GALNT17: variants seen among roughly 807,000 people sequenced by gnomAD.
The protein encoded by GALNT17 is UDP-GalNAc:polypeptide N-acetylgalactosaminyltransferase-like 3.
A neutral mutation model predicts 63.7 loss-of-function variants in GALNT17; 29 were observed. That is an observed-to-expected ratio of 0.46 (90% confidence interval 0.34 to 0.62). The LOEUF (loss-of-function observed/expected upper bound fraction) is 0.62. Ranked by LOEUF, GALNT17 falls within the 20% of genes least tolerant of loss-of-function variation. The pLI, the probability that GALNT17 is intolerant of heterozygous loss-of-function variation, is 0.01. For missense variants in GALNT17, 603 were observed against 799.6 expected, an observed-to-expected ratio of 0.75 and a Z score of 2.97; for synonymous variants, 305 against 318.3, an observed-to-expected ratio of 0.96 and a Z score of 0.45.
intron 1 of GALNT17, among the ~76,000 whole-genome samples, chr7:71,175,094 A>G (rs1442486735): frequency 6.6e-6 from 1 of 152,118 alleles, no homozygotes; most frequent in African/African-American, 2.4e-5. Context: ...CTATCTATCC[A>G]TCAGTCTGTC....
At chr7:71,371,101 C>T (rs891926536) in intron 2 of GALNT17, among the ~76,000 whole-genome samples, 7 of 152,102 alleles carry the variant, frequency 4.6e-5, no homozygotes, top group African/African-American at 1.7e-4. Flanking sequence ...CTGTTGCTGA[C>T]TGTGGCATCA....
chr7:71,494,455 C>T (rs536681785), intron 5 of GALNT17, among the ~76,000 whole-genome samples: 64 of 152,290 alleles, frequency 4.2e-4, no homozygotes, highest in African/African-American at 1.2e-3. Flanking sequence ...ATACGATCCT[C>T]CTGCCTCAGC....
At chr7:71,700,999 C>G (rs1032967279) in intron 9 of GALNT17, among the ~76,000 whole-genome samples, 3 of 152,152 alleles carry the variant, frequency 2.0e-5, no homozygotes, top group Non-Finnish European at 4.4e-5. Flanking sequence ...AAAAGTTAAG[C>G]AAACACACCC....
intron 1 of GALNT17, among the ~76,000 whole-genome samples, chr7:71,242,286 T>C (rs185424702): frequency 0.1 from 13,697 of 131,940 alleles, 734 homozygotes; most frequent in East Asian, 0.32. Context: ...TTTTTTTTTT[T>C]TGAGACAGAG....
rs769772883 is a variant in GALNT17, at chr7:71,388,320, C to T, written c.508C>T (p.Arg170Trp). The T allele has an allele frequency of 1.2e-6, 2 of 1,614,024 alleles. No homozygotes were observed. Among genetic ancestry groups the T allele is most frequent in the Non-Finnish European group, 1.7e-6 (2 of 1,179,994 alleles). Residue 170 changes from arginine to tryptophan, a missense_variant, in exon 3 of 11, where the codon CGG (arginine) becomes TGG (tryptophan). Arg to Trp is a moderately radical substitution (Grantham distance 101). Around this residue, in one of 3 missense-constraint regions of GALNT17, gnomAD observed 336 missense variants for 507.8 expected, o/e 0.66. Coordinates refer to ENST00000333538, the MANE Select transcript of GALNT17 (RefSeq NM_022479.3). ...FVNEALSVIL[R>W]SVHSAVNHTP... Reference sequence around the variant, plus strand: ...GAACGAGGCCCTGTCGGTGATCCTGCGGTCCGTGCACAGTGCCGTCAATCA... The same window carrying T: ...GAACGAGGCCCTGTCGGTGATCCTGTGGTCCGTGCACAGTGCCGTCAATCA...
intron 1 of GALNT17, among the ~76,000 whole-genome samples, chr7:71,286,549 C>T (rs1199869586): frequency 2.7e-5 from 4 of 150,708 alleles, no homozygotes; most frequent in Non-Finnish European, 2.9e-5. Flanking sequence ...CTTGCCAGGG[C>T]TTTTTCCATC....
intron 9 of GALNT17, among the ~76,000 whole-genome samples, chr7:71,691,908 C>A (rs1354505052): frequency 6.6e-6 from 1 of 151,416 alleles, no homozygotes; most frequent in Non-Finnish European, 1.5e-5. Flanking sequence ...TTCTCTCTTT[C>A]TCTCTTTCTT....
At chr7:71,639,656 G>A (rs955520862) in intron 6 of GALNT17, among the ~76,000 whole-genome samples, 1 of 152,192 alleles carries the variant, frequency 6.6e-6, no homozygotes, top group Admixed American at 6.5e-5. Flanking sequence ...ACAACCGAAA[G>A]CAGCAAGCAG....
chr7:71,273,300 TG>T (rs1450821947), intron 1 of GALNT17, among the ~76,000 whole-genome samples: 1 of 152,238 alleles, frequency 6.6e-6, no homozygotes, highest in African/African-American at 2.4e-5. Context: ...TGTCAACTCT[TG>T]CACATAAAAA....
intron 1 of GALNT17, among the ~76,000 whole-genome samples, chr7:71,299,173 G>A (rs889214597): frequency 6.6e-6 from 1 of 152,184 alleles, no homozygotes; most frequent in Non-Finnish European, 1.5e-5. Flanking sequence ...AGCTGGAGAA[G>A]GGTATGTGTG....
At chr7:71,555,277 A>G (rs1353527160) in intron 5 of GALNT17, among the ~76,000 whole-genome samples, 2 of 151,576 alleles carry the variant, frequency 1.3e-5, no homozygotes, top group Non-Finnish European at 2.9e-5. Context: ...CTTTTGGGGC[A>G]CTGGAACTTT....
chr7:71,642,056 C>G (rs924521478), intron 6 of GALNT17, among the ~76,000 whole-genome samples: 1 of 152,188 alleles, frequency 6.6e-6, no homozygotes. Flanking sequence ...GCTGTCCCCC[C>G]ACTATGGGAC....
intron 5 of GALNT17, among the ~76,000 whole-genome samples, chr7:71,538,231 T>C (rs1330437609): frequency 6.6e-6 from 1 of 152,232 alleles, no homozygotes; most frequent in Non-Finnish European, 1.5e-5. Flanking sequence ...AAATTCTAAA[T>C]GTGTCTTCTG....
chr7:71,296,712 A>C (rs534520996), intron 1 of GALNT17, among the ~76,000 whole-genome samples: 5 of 149,096 alleles, frequency 3.4e-5, no homozygotes, highest in African/African-American at 7.3e-5. Flanking sequence ...AAGAAAAAAA[A>C]AACGTGTTTT....
chr7:71,575,640 G>A (rs1020522322), intron 6 of GALNT17, among the ~76,000 whole-genome samples: 8 of 152,040 alleles, frequency 5.3e-5, no homozygotes, highest in South Asian at 2.1e-4. Flanking sequence ...CGCCCGCCTC[G>A]GCCTCCCAAA....
At chr7:71,256,978 C>A (rs573292825) in intron 1 of GALNT17, among the ~76,000 whole-genome samples, 52 of 152,304 alleles carry the variant, frequency 3.4e-4, no homozygotes, top group African/African-American at 1.3e-3. Flanking sequence ...AGGACTCTCT[C>A]TCTCGCACTC....
At chr7:71,190,756 C>T (rs534050856) in intron 1 of GALNT17, among the ~76,000 whole-genome samples, 4 of 152,152 alleles carry the variant, frequency 2.6e-5, no homozygotes, top group Non-Finnish European at 5.9e-5. Context: ...CTCAGCCTAC[C>T]GAGTATCAGG....
Position 71,218,191 on chromosome 7 carries a change from G to A in GALNT17, c.238+85151G>A, listed in dbSNP as rs541046375. 6.3e-3 allele frequency among the ~76,000 whole-genome samples: 957 copies of A among 152,198 alleles called. 13 individuals are homozygous for A. The highest frequency in any genetic ancestry group is 0.021 in the African/African-American group (877 of 41,536). ...GATGGATCACTTGAGGTCAGGAGTT[G>A]GAGGCCAGCCTGGCCAACATGGTGA... On this transcript the variant is annotated intron_variant, in intron 1 of 10. Coordinates refer to ENST00000333538, the MANE Select transcript of GALNT17 (RefSeq NM_022479.3).
rs71089940 is a variant in GALNT17, at chr7:71,374,834, ATT to A, written c.423-13379_423-13378del. Among the ~76,000 whole-genome samples the A allele has an allele frequency of 8.9e-3, 979 of 109,600 alleles. 4 individuals are homozygous for A. The highest frequency in any genetic ancestry group is 0.011 in the Non-Finnish European group (630 of 56,076). The allele number at this position is 109,600 out of a possible 152,430, so 71.9% of individuals were successfully genotyped here. A position where few individuals can be genotyped will look rare whatever the true frequency, so the allele number is the denominator to read the frequency against. ...TGCATTTGGCTTGTTCTTGAGGAGGATTTTTTTTTTTTTTTTTTTTTTTGAGA... is the reference window on the plus strand; with the variant it reads ...TGCATTTGGCTTGTTCTTGAGGAGGATTTTTTTTTTTTTTTTTTTTTGAGA... On this transcript the variant is annotated intron_variant, in intron 2 of 10. Coordinates refer to ENST00000333538, the MANE Select transcript of GALNT17 (RefSeq NM_022479.3).
Sources: allele counts gnomAD v4.1 joint callset (sites outside exome capture counted in the v4.1 genomes callset), GRCh38; gene constraint gnomAD v4.1.1; regional missense constraint gnomAD v4.1.1; transcripts MANE v1.5; gene names NCBI Gene and HGNC (gene_info 2026-07-23, HGNC 2026-07-21).